Variants in CNTNAP3 observed in about 807,000 individuals in gnomAD.
The protein encoded by CNTNAP3 is contactin associated protein family member 3, also known as contactin-associated protein-like 3.
A neutral mutation model predicts 92.1 loss-of-function variants in CNTNAP3; 36 were observed. The observed-to-expected ratio is 0.39, with a 90% CI of 0.30 to 0.52. The LOEUF is 0.52. Ranked by LOEUF, CNTNAP3 falls within the 20% of genes least tolerant of loss-of-function variation. CNTNAP3 has a pLI of 0.76. For missense variants in CNTNAP3, 534 were observed against 1,069.6 expected (o/e 0.50, Z 6.98); for synonymous variants, 232 against 422.3 (o/e 0.55, Z 5.53).
At chr9:39,137,540 T>C (rs1229039484) in intron 12 of CNTNAP3, among the ~76,000 whole-genome samples, 2 of 152,152 alleles carry the variant, frequency 1.3e-5, no homozygotes, top group African/African-American at 4.8e-5. Context: ...TGAGACAAAG[T>C]CTTGCTCTGT....
At chr9:39,149,529 T>TTG (rs1190429093) in intron 10 of CNTNAP3, among the ~76,000 whole-genome samples, 1 of 149,650 alleles carries the variant, frequency 6.7e-6, no homozygotes, top group Non-Finnish European at 1.5e-5. Context: ...TTTTTTTTTT[T>TTG]GTATTTTTAG....
intron 14 of CNTNAP3, among the ~76,000 whole-genome samples, chr9:39,114,394 T>C (rs148341106): frequency 0.038 from 5,854 of 152,228 alleles, 161 homozygotes; most frequent in Non-Finnish European, 0.061. Flanking sequence ...CACTTCTTTA[T>C]ATATTTTAAA....
chr9:39,096,864 CTTT>C (rs928927134), intron 18 of CNTNAP3, among the ~76,000 whole-genome samples: 1 of 148,594 alleles, frequency 6.7e-6, no homozygotes, highest in Non-Finnish European at 1.5e-5. Context: ...ATATAAACTT[CTTT>C]GTGTCATCTG....
chr9:39,110,325 G>T (rs1000288549), intron 14 of CNTNAP3, among the ~76,000 whole-genome samples: 8 of 152,138 alleles, frequency 5.3e-5, no homozygotes, highest in African/African-American at 1.9e-4. Context: ...GAGCCTGGGA[G>T]GTAGAGGCTG....
intron 23 of CNTNAP3, among the ~76,000 whole-genome samples, chr9:39,077,986 A>G (rs1438867921): frequency 6.6e-6 from 1 of 152,130 alleles, no homozygotes; most frequent in Admixed American, 6.5e-5. Context: ...CGGGCAGATC[A>G]CTTGAGGCCA....
chr9:39,124,127 T>C (rs958025838), intron 13 of CNTNAP3, among the ~76,000 whole-genome samples: 15 of 151,924 alleles, frequency 9.9e-5, no homozygotes, highest in Non-Finnish European at 1.8e-4. Flanking sequence ...AAATGAATGA[T>C]AATAATGTAA....
intron 23 of CNTNAP3, among the ~76,000 whole-genome samples, chr9:39,075,431 T>G (rs1381562501): frequency 6.6e-6 from 1 of 151,322 alleles, no homozygotes; most frequent in Non-Finnish European, 1.5e-5. Context: ...CTAAAAGAAA[T>G]AAATGTGTAT....
At chr9:39,142,243 C>T (rs1223736873) in intron 11 of CNTNAP3, among the ~76,000 whole-genome samples, 2 of 152,098 alleles carry the variant, frequency 1.3e-5, no homozygotes, top group African/African-American at 2.4e-5. Context: ...CAAGATTAGG[C>T]TTCTGCTTTT....
At chr9:39,126,476 C>T (rs1290636360) in intron 13 of CNTNAP3, among the ~76,000 whole-genome samples, 1 of 152,078 alleles carries the variant, frequency 6.6e-6, no homozygotes, top group Non-Finnish European at 1.5e-5. Flanking sequence ...ATACCCAAAC[C>T]AGCAAAACCT....
chr9:39,112,431 T>C (rs1390501752), intron 14 of CNTNAP3, among the ~76,000 whole-genome samples: 3 of 152,040 alleles, frequency 2.0e-5, no homozygotes, highest in Non-Finnish European at 4.4e-5. Context: ...AATGGTGTGA[T>C]CTCTGCTCAC....
At chr9:39,152,428 C>A (rs1238267186) in intron 9 of CNTNAP3, among the ~76,000 whole-genome samples, 2 of 141,754 alleles carry the variant, frequency 1.4e-5, no homozygotes, top group African/African-American at 5.4e-5. Context: ...TTTATATTTA[C>A]AAAAGAAATA....
chr9:39,113,392 A>G (rs1820758050), intron 14 of CNTNAP3, among the ~76,000 whole-genome samples: 1 of 152,178 alleles, frequency 6.6e-6, no homozygotes, highest in African/African-American at 2.4e-5. Flanking sequence ...AATATTGCAA[A>G]TAAAATTTTT....
At chr9:39,140,740 T>C in intron 11 of CNTNAP3, 102 bp from the exon 12 acceptor site, 1 of 1,453,826 alleles carries the variant, frequency 6.9e-7, no homozygotes, top group Non-Finnish European at 9.1e-7. Context: ...GTGATACATA[T>C]GACCCAACAT....
intron 15 of CNTNAP3, among the ~76,000 whole-genome samples, chr9:39,104,682 T>C (rs1410380051): frequency 6.6e-6 from 1 of 152,160 alleles, no homozygotes; most frequent in Non-Finnish European, 1.5e-5. Flanking sequence ...TCTTATCTTT[T>C]GTGTACTTTT....
chr9:39,111,347 GA>G (rs1826743655), intron 14 of CNTNAP3, among the ~76,000 whole-genome samples: 1 of 151,934 alleles, frequency 6.6e-6, no homozygotes, highest in African/African-American at 2.4e-5. Context: ...TTTCAAATTG[GA>G]AAATATAAAA....
intron 15 of CNTNAP3, among the ~76,000 whole-genome samples, chr9:39,107,107 A>G (rs1036610496): frequency 6.6e-6 from 1 of 152,050 alleles, no homozygotes; most frequent in Non-Finnish European, 1.5e-5. Flanking sequence ...ATTCCATATA[A>G]ATGAATTAAA....
At chr9:39,128,409 G>C (rs1316428154) in intron 13 of CNTNAP3, among the ~76,000 whole-genome samples, 1 of 151,790 alleles carries the variant, frequency 6.6e-6, no homozygotes, top group Non-Finnish European at 1.5e-5. Context: ...GGCAAAATGG[G>C]AGTTGCTCTA....
intron 21 of CNTNAP3, chr9:39,085,360 C>T (rs2990037): frequency 3.2e-5 from 7 of 221,740 alleles, no homozygotes; most frequent in East Asian, 1.4e-4. Context: ...TCAACTCAAA[C>T]GTAGTTTTAT....
At chr9:39,076,923 C>G (rs899535891) in intron 23 of CNTNAP3, among the ~76,000 whole-genome samples, 8 of 152,290 alleles carry the variant, frequency 5.3e-5, no homozygotes, top group African/African-American at 1.9e-4. Context: ...CGCCACTGCA[C>G]TCCAGCCTTT....
Sources: allele counts gnomAD v4.1 joint callset (sites outside exome capture counted in the v4.1 genomes callset), GRCh38; gene constraint gnomAD v4.1.1; transcripts MANE v1.5; gene names NCBI Gene and HGNC (gene_info 2026-07-23, HGNC 2026-07-21).